Variants in RIDA observed in about 807,000 individuals in gnomAD.
The protein encoded by RIDA is reactive intermediate imine deaminase A.
Under a neutral mutation model 17.8 loss-of-function variants are expected in RIDA, and 17 were observed. That is an observed-to-expected ratio of 0.96 (90% confidence interval 0.65 to 1.43). The LOEUF is 1.43. Among genes scored for constraint, RIDA ranks in the 40% most tolerant of loss-of-function variants. RIDA has a pLI of 0.00. For synonymous variants in RIDA, 48 were observed against 55.7 expected, an observed-to-expected ratio of 0.86 and a Z score of 0.62; for missense variants, 158 against 161.7, an observed-to-expected ratio of 0.98 and a Z score of 0.12.
intron 1 of RIDA, among the ~76,000 whole-genome samples, chr8:98,116,789 G>T (rs1815839786): frequency 2.0e-5 from 3 of 152,204 alleles, no homozygotes; most frequent in East Asian, 3.9e-4. Flanking sequence ...TCTAACTGGG[G>T]AGAGCTTTCT....
intron 5 of RIDA, 82 bp downstream of exon 5, chr8:98,104,407 T>C (rs1179118954): frequency 1.1e-6 from 1 of 926,936 alleles, no homozygotes; most frequent in Non-Finnish European, 1.8e-6. Flanking sequence ...AAGTTTCCTT[T>C]CACAGTGCTT....
chr8:98,108,750 G>T lies in RIDA; in HGVS notation c.67C>A (p.Gln23Lys). ...ATGGTCCTGTCGACTAATACAGCTT[G>T]ACTGCAATAAACAGAAAGCTAGTGT... is the stretch of plus-strand genomic sequence containing the variant. The part of the protein sequence containing the change: ...KAPGAIGPYS[Q>K]AVLVDRTIYI... The change falls in exon 2 of 6, where the codon CAA becomes AAA. Residue 23 changes from glutamine (Q) to lysine (K), a missense_variant and splice_region_variant. Coordinates refer to ENST00000254878, the MANE Select transcript of RIDA (RefSeq NM_005836.3). 6.3e-7 allele frequency: 1 copy of T among 1,588,776 alleles called. No homozygotes were observed. Among genetic ancestry groups the T allele is most frequent in the South Asian group, 1.1e-5 (1 of 90,560 alleles).
chr8:98,106,447 C>CCTACTCG lies in RIDA; in HGVS notation c.172-128_172-122dup, dbSNP rs1368697000. 6 of 777,812 alleles carry CCTACTCG rather than the reference C, an allele frequency of 7.7e-6. No homozygotes were observed. In the Admixed American group the frequency reaches 1.3e-4, roughly 17 times the overall value. 48.2% of individuals were successfully genotyped at this position (777,812 alleles called of 1,614,324 possible). A position where few individuals can be genotyped will look rare whatever the true frequency, so the allele number is the denominator to read the frequency against. ...TAGCCTATGTTGCAGAAAAATCCTC[C>CCTACTCG]CTACTCGCTTACAAGTGTGTTTCTT... On this transcript the variant is annotated intron_variant, in intron 2 of 5. Coordinates refer to ENST00000254878, the MANE Select transcript of RIDA (RefSeq NM_005836.3).
At position 98,104,566 on chromosome 8, in the gene RIDA, T is replaced by G. The variant is rs751037800; in HGVS notation, c.296-22A>C. 1.0e-5 allele frequency: 14 copies of G among 1,401,642 alleles called. No individual in the cohort carries two copies. The East Asian group carries it at 2.5e-4, about 25-fold the overall frequency. The allele number at this position is 1,401,642 out of a possible 1,614,324, so 86.8% of individuals were successfully genotyped here. ...AAATCTGAATTTAAAAGAATTTCAT[T>G]TTTTTAATAGAGAAGAGTTGAAAAA... On this transcript the variant is annotated intron_variant, in intron 4 of 5. Transcript: ENST00000254878.
chr8:98,109,029 C>CA (rs1269623932), intron 1 of RIDA, among the ~76,000 whole-genome samples: 1 of 151,844 alleles, frequency 6.6e-6, no homozygotes. Context: ...TCAGTCTCTA[C>CA]AAAAAACAAT....
intron 2 of RIDA, 111 bp downstream of exon 2, chr8:98,108,535 A>C (rs375649825): frequency 1.4e-5 from 10 of 719,936 alleles, no homozygotes; most frequent in South Asian, 1.3e-4. Flanking sequence ...TAGTTTAAAA[A>C]ACATTTATCT....
chr8:98,103,140 G>A lies in RIDA; in HGVS notation c.352-236C>T, dbSNP rs576287858. ...TTCTCACAGAAGCCCTATTAGAGAC[G>A]TATTTTCCCCTCAATTCACAGAATG... On this transcript the variant is annotated intron_variant, in intron 5 of 5. Transcript: ENST00000254878. Among the ~76,000 whole-genome samples the A allele has an allele frequency of 1.6e-4, 24 of 152,224 alleles. No homozygotes were observed. In the South Asian group the frequency reaches 1.7e-3, roughly 11 times the overall value.
rs768253872 is a variant in RIDA, at chr8:98,106,303, A to T, written c.195T>A (p.Ile65=). 8 of 1,613,912 alleles carry T rather than the reference A, an allele frequency of 5.0e-6. No individual in the cohort carries two copies. The highest frequency in any genetic ancestry group is 1.7e-4 in the Middle Eastern group (1 of 6,046). The part of the protein sequence containing the change: ...AKQALKNMGE[I]LKAAGCDFTN... ...TGAAGTCACAGCCTGCAGCTTTCAG[A>T]ATTTCACCCATGTTTTTAAGAGCCT... is the stretch of plus-strand genomic sequence containing the variant. Residue 65 remains isoleucine (I), a synonymous_variant, in exon 3 of 6, where the codon ATT becomes ATA. Transcript: ENST00000254878.
intron 1 of RIDA, among the ~76,000 whole-genome samples, chr8:98,109,216 G>A (rs570421636): frequency 2.6e-5 from 4 of 152,124 alleles, no homozygotes; most frequent in Admixed American, 6.5e-5. Flanking sequence ...AAAAGGGGTC[G>A]GGGGAAGAAA....
Position 98,112,795 on chromosome 8 carries a change from A to G in RIDA, c.66-4044T>C, listed in dbSNP as rs555422911. On this transcript the variant is annotated intron_variant, in intron 1 of 5. Coordinates refer to ENST00000254878, the MANE Select transcript of RIDA (RefSeq NM_005836.3). ...GTGCAAAGTGCCTTCAGCTTTCCCC[A>G]TATCTGAAACACACTTTAAGACCAT... 9.2e-5 allele frequency among the ~76,000 whole-genome samples: 14 copies of G among 152,334 alleles called. No homozygotes were observed. In the East Asian group the frequency reaches 1.7e-3, roughly 19 times the overall value.
At chr8:98,104,145 G>T (rs547916528) in intron 5 of RIDA, among the ~76,000 whole-genome samples, 19 of 148,844 alleles carry the variant, frequency 1.3e-4, no homozygotes, top group African/African-American at 3.7e-4. Flanking sequence ...ACAGTGGTTC[G>T]ATTATAGCTC....
At chr8:98,108,807 GC>G (rs34451943) in intron 1 of RIDA, 56 bp from the exon 2 acceptor site, 442,474 of 1,098,886 alleles carry the variant, frequency 0.4, 92,659 homozygotes, top group East Asian at 0.53. Context: ...AAAATTCAAT[GC>G]TAGAAGACTT....
At chr8:98,116,863 C>G (rs545652788) in intron 1 of RIDA, among the ~76,000 whole-genome samples, 169 bp downstream of exon 1, 2 of 152,352 alleles carry the variant, frequency 1.3e-5, no homozygotes, top group African/African-American at 4.8e-5. Flanking sequence ...GTGCAGGTTC[C>G]TGGTCCCATC....
At position 98,103,859 on chromosome 8, in the gene RIDA, C is replaced by T. The variant is rs972199456; in HGVS notation, c.351+630G>A. 3.3e-5 allele frequency among the ~76,000 whole-genome samples: 5 copies of T among 152,030 alleles called. 1 individual carries two copies. The highest frequency in any genetic ancestry group is 4.2e-4 in the South Asian group (2 of 4,812). ...TTCACCATGTGAGCCAGGATGGTCTCGATCTTCTGACCTTGTGATCCGCCC... is the reference window on the plus strand; with the variant it reads ...TTCACCATGTGAGCCAGGATGGTCTTGATCTTCTGACCTTGTGATCCGCCC... On this transcript the variant is annotated intron_variant, in intron 5 of 5. Transcript: ENST00000254878.
Position 98,115,321 on chromosome 8 carries a change from G to C in RIDA, c.65+1711C>G, listed in dbSNP as rs116843736. On this transcript the variant is annotated intron_variant, in intron 1 of 5. Coordinates refer to ENST00000254878, the MANE Select transcript of RIDA (RefSeq NM_005836.3). ...GAGAATCACTTGAATCTGTGGGGTG[G>C]AGGTTGCAGTGAGCTGAGATTGCAC... 7.3e-3 allele frequency among the ~76,000 whole-genome samples: 1,090 copies of C among 149,958 alleles called. 8 individuals are homozygous for C. The highest frequency in any genetic ancestry group is 0.011 in the Non-Finnish European group (759 of 67,664).
In RIDA at chr8:98,102,849, G is replaced by A. The variant is rs201960909; in HGVS notation, c.407C>T (p.Ser136Leu). 11 of 1,611,668 alleles carry A rather than the reference G, an allele frequency of 6.8e-6. No individual in the cohort carries two copies. Among genetic ancestry groups the A allele is most frequent in the Middle Eastern group, 3.3e-4 (2 of 6,058 alleles). Reference protein sequence around the residue: ...VAIQGPLTTASL With the variant: ...VAIQGPLTTALL ...ACACAGCACTGGGCCCACTTATAGTGATGCCGTTGTCAGTGGTCCTTGGAT... is the reference window on the plus strand; with the variant it reads ...ACACAGCACTGGGCCCACTTATAGTAATGCCGTTGTCAGTGGTCCTTGGAT... The change falls in exon 6 of 6, where the codon TCA (serine) becomes TTA (leucine). Residue 136 changes from serine (S) to leucine (L), a missense_variant. By Grantham distance (145) the Ser-to-Leu change is moderately radical. Coordinates refer to ENST00000254878, the MANE Select transcript of RIDA (RefSeq NM_005836.3).
In RIDA at chr8:98,117,164, A is replaced by G; in HGVS notation, c.-68T>C. The G allele has an allele frequency of 6.9e-7, 1 of 1,440,694 alleles. No homozygotes were observed. Among genetic ancestry groups the G allele is most frequent in the Non-Finnish European group, 9.8e-7 (1 of 1,022,152 alleles). The allele number at this position is 1,440,694 out of a possible 1,614,324, so 89.2% of individuals were successfully genotyped here. ...CCAGCACCAGCCCTGCTGGCTTCTTACTGGACTGACCAACCACAGCAGCGC... is the reference window on the plus strand; with the variant it reads ...CCAGCACCAGCCCTGCTGGCTTCTTGCTGGACTGACCAACCACAGCAGCGC... On this transcript the variant is annotated 5_prime_UTR_variant, in exon 1 of 6. Transcript: ENST00000254878.
At chr8:98,110,349 G>A (rs926227398) in intron 1 of RIDA, among the ~76,000 whole-genome samples, 11 of 140,600 alleles carry the variant, frequency 7.8e-5, no homozygotes, top group South Asian at 2.4e-4. Context: ...TGCAACCTCC[G>A]CCTCCCGGGT....
Position 98,104,538 on chromosome 8 carries a change from T to C in RIDA, c.302A>G (p.Lys101Arg), listed in dbSNP as rs1287432720. Residue 101 changes from lysine to arginine, a missense_variant, in exon 5 of 6, where the codon AAG (lysine) becomes AGG (arginine). By Grantham distance (26) the Lys-to-Arg change is conservative. Transcript: ENST00000254878. ...AGCAGCTCTAGCAGGAAAATTACTC[T>C]TGAAATCTGAATTTAAAAGAATTTC... is the stretch of plus-strand genomic sequence containing the variant. ...TVNEIYKQYF[K>R]SNFPARAAYQ... 10 of 1,577,118 alleles carry C rather than the reference T, an allele frequency of 6.3e-6. No individual in the cohort carries two copies. The highest frequency in any genetic ancestry group is 2.2e-5 in the East Asian group (1 of 44,712).
Sources: allele counts gnomAD v4.1 joint callset (sites outside exome capture counted in the v4.1 genomes callset), GRCh38; gene constraint gnomAD v4.1.1; transcripts MANE v1.5; gene names NCBI Gene and HGNC (gene_info 2026-07-23, HGNC 2026-07-21).